The following TMEM87A variants were observed in gnomAD, a reference collection of about 807,000 sequenced individuals.
The protein encoded by TMEM87A is transmembrane protein 87A, also known as Golgi-pH regulating cation channel.
Under a neutral mutation model 90.0 loss-of-function variants are expected in TMEM87A, and 50 were observed. That is an observed-to-expected ratio of 0.56 (90% CI 0.44 to 0.70). The LOEUF (loss-of-function observed/expected upper bound fraction) is 0.70, where lower values mean the gene tolerates loss of function less well. Ranked by LOEUF, TMEM87A falls within the 30% of genes least tolerant of loss-of-function variation. The probability of loss-of-function intolerance (pLI) is 0.00; values close to 1 mark genes in which losing one functional copy is unlikely to be tolerated. For synonymous variants in TMEM87A, 226 were observed against 226.7 expected (o/e 1.00, Z 0.03); for missense variants, 577 against 660.5 (o/e 0.87, Z 1.39).
chr15:42,227,823 A>G (rs1034701027), intron 13 of TMEM87A, 54 bp from the exon 14 acceptor site: 65 of 1,513,598 alleles, frequency 4.3e-5, no homozygotes, highest in Non-Finnish European at 5.4e-5. Flanking sequence ...TACATCCCCA[A>G]TTACATTCCC....
chr15:42,212,799 G>A (rs1237714178), intron 19 of TMEM87A, among the ~76,000 whole-genome samples: 1 of 152,146 alleles, frequency 6.6e-6, no homozygotes, highest in Non-Finnish European at 1.5e-5. Context: ...AGATGTTGTT[G>A]AAGAGCCTTA....
intron 7 of TMEM87A, among the ~76,000 whole-genome samples, chr15:42,243,324 A>C (rs944162807): frequency 1.4e-5 from 2 of 147,970 alleles, no homozygotes; most frequent in Admixed American, 1.3e-4. Flanking sequence ...AAAAAAAAAG[A>C]AAGCAGGGGA....
At chr15:42,251,506 C>T (rs1462888732) in intron 6 of TMEM87A, among the ~76,000 whole-genome samples, 1 of 152,212 alleles carries the variant, frequency 6.6e-6, no homozygotes, top group Non-Finnish European at 1.5e-5. Flanking sequence ...GGTCCCTCAG[C>T]TGCAGGTCTG....
chr15:42,228,629 T>G, intron 13 of TMEM87A, 83 bp downstream of exon 13: 2 of 1,129,000 alleles, frequency 1.8e-6, no homozygotes, highest in Non-Finnish European at 1.3e-6. Flanking sequence ...AAACTTTCTA[T>G]GTCCACCCAT....
intron 6 of TMEM87A, among the ~76,000 whole-genome samples, chr15:42,246,546 T>C (rs1418021957): frequency 6.6e-6 from 1 of 152,150 alleles, no homozygotes; most frequent in Non-Finnish European, 1.5e-5. Flanking sequence ...ACATGCAGTG[T>C]TTGGTTTTCT....
Position 42,260,968 on chromosome 15 carries a change from C to G in TMEM87A, c.494G>C (p.Gly165Ala). 6.2e-7 allele frequency: 1 copy of G among 1,608,622 alleles called. No individual in the cohort carries two copies. The highest frequency in any genetic ancestry group is 8.5e-7 in the Non-Finnish European group (1 of 1,177,742). ...KENGTNLTFI[G>A]DKTAMHEPLQ... ...CCCAAATATACTTACGGTTTTGTCT[C>G]CAATAAAGGTAAGGTTTGTTCCATT... The change falls in exon 6 of 20, where the codon GGA becomes GCA. Residue 165 changes from glycine to alanine, a missense_variant. Transcript: ENST00000389834.
chr15:42,245,520 C>CTTTT (rs550453415), intron 6 of TMEM87A, among the ~76,000 whole-genome samples: 21 of 118,418 alleles, frequency 1.8e-4, no homozygotes, highest in African/African-American at 5.5e-4. Flanking sequence ...ACATTTATTA[C>CTTTT]TTTTTTTTTT....
chr15:42,260,744 T>C (rs2051271435), intron 6 of TMEM87A, among the ~76,000 whole-genome samples: 1 of 152,214 alleles, frequency 6.6e-6, no homozygotes, highest in South Asian at 2.1e-4. Context: ...AAGCAATACA[T>C]GTGTACAGTA....
At chr15:42,236,654 G>A (rs2050776616) in intron 9 of TMEM87A, among the ~76,000 whole-genome samples, 1 of 152,072 alleles carries the variant, frequency 6.6e-6, no homozygotes, top group Non-Finnish European at 1.5e-5. Context: ...CCCCGACCTG[G>A]CCCCAAATTC....
At chr15:42,264,783 T>A (rs1404852595) in intron 3 of TMEM87A, among the ~76,000 whole-genome samples, 2 of 151,222 alleles carry the variant, frequency 1.3e-5, no homozygotes, top group African/African-American at 4.8e-5. Context: ...GGGAACTGTT[T>A]TACAGATTAT....
intron 7 of TMEM87A, among the ~76,000 whole-genome samples, chr15:42,241,820 T>C (rs1377341830): frequency 3.3e-5 from 5 of 151,962 alleles, no homozygotes; most frequent in South Asian, 2.1e-4. Flanking sequence ...AAACTAAAAA[T>C]ACAATCTACT....
chr15:42,265,981 T>TG (rs1258613112), intron 3 of TMEM87A, among the ~76,000 whole-genome samples: 4 of 152,174 alleles, frequency 2.6e-5, no homozygotes, highest in African/African-American at 9.7e-5. Context: ...CTTTCCCCAT[T>TG]GCTTGTTTTT....
chr15:42,243,958 T>A (rs931445256), intron 7 of TMEM87A, 92 bp downstream of exon 7: 1 of 656,824 alleles, frequency 1.5e-6, no homozygotes, highest in Admixed American at 3.2e-5. Flanking sequence ...AGAAATCTGA[T>A]ACCTGTAATA....
At chr15:42,221,640 TAGG>T (rs2050487488) in intron 15 of TMEM87A, among the ~76,000 whole-genome samples, 1 of 151,954 alleles carries the variant, frequency 6.6e-6, no homozygotes, top group Non-Finnish European at 1.5e-5. Context: ...GAGGCTGAGG[TAGG>T]AGGATCCCTT....
chr15:42,214,915 T>C (rs912851955), intron 19 of TMEM87A, among the ~76,000 whole-genome samples: 1 of 152,134 alleles, frequency 6.6e-6, no homozygotes, highest in Non-Finnish European at 1.5e-5. Flanking sequence ...ACCTACAGAA[T>C]TGGAGAAAAT....
intron 12 of TMEM87A, among the ~76,000 whole-genome samples, chr15:42,230,471 A>G (rs544937842): frequency 6.6e-5 from 10 of 152,358 alleles, no homozygotes; most frequent in African/African-American, 2.4e-4. Context: ...TATAAAAACC[A>G]AAACAAATTC....
intron 6 of TMEM87A, among the ~76,000 whole-genome samples, chr15:42,253,258 G>T (rs1337222690): frequency 6.6e-6 from 1 of 152,140 alleles, no homozygotes; most frequent in Non-Finnish European, 1.5e-5. Flanking sequence ...TTTTCTGATC[G>T]TATGTCCAGT....
chr15:42,248,190 G>C (rs1170639430), intron 6 of TMEM87A, among the ~76,000 whole-genome samples: 3 of 152,134 alleles, frequency 2.0e-5, no homozygotes, highest in Admixed American at 2.0e-4. Context: ...GGGCTGAGAT[G>C]ATGGGGTTTT....
intron 6 of TMEM87A, among the ~76,000 whole-genome samples, chr15:42,252,335 C>T (rs927769627): frequency 1.4e-4 from 21 of 152,216 alleles, no homozygotes; most frequent in Admixed American, 2.6e-4. Flanking sequence ...GTGTCGATCA[C>T]GCTGGGAGCT....
Sources: allele counts gnomAD v4.1 joint callset (sites outside exome capture counted in the v4.1 genomes callset), GRCh38; gene constraint gnomAD v4.1.1; transcripts MANE v1.5; gene names NCBI Gene and HGNC (gene_info 2026-07-23, HGNC 2026-07-21).